The following NXPE1 variants were observed in gnomAD, a reference collection of about 807,000 sequenced individuals.
The protein encoded by NXPE1 is NXPE family member 1.
NXPE1 carries 31 observed loss-of-function variants against 33.3 expected under a neutral mutation model. That is an observed-to-expected ratio of 0.93 (90% CI 0.70 to 1.26). NXPE1 has a LOEUF of 1.26. Among genes scored for constraint, NXPE1 ranks in the 50% most tolerant of loss-of-function variants. The probability of loss-of-function intolerance (pLI) is 0.00; values close to 1 mark genes in which losing one functional copy is unlikely to be tolerated. For synonymous variants in NXPE1, 229 were observed against 231.4 expected, an observed-to-expected ratio of 0.99 and a Z score of 0.09; for missense variants, 661 against 655.6, an observed-to-expected ratio of 1.01 and a Z score of -0.09.
chr11:114,530,388 C>T, exon 6 of NXPE1: 2 of 1,614,172 alleles, frequency 1.2e-6, no homozygotes. Flanking sequence ...AACAAATTTG[C>T]CTTTGAAAAT....
intron 5 of NXPE1, among the ~76,000 whole-genome samples, chr11:114,536,441 A>G (rs1947828107): frequency 6.6e-6 from 1 of 152,350 alleles, no homozygotes; most frequent in Middle Eastern, 3.4e-3. Context: ...TCAGAGCAGG[A>G]CTGAAGGAAA....
At chr11:114,554,901 T>C (rs1334951778) in intron 1 of NXPE1, among the ~76,000 whole-genome samples, 1 of 152,200 alleles carries the variant, frequency 6.6e-6, no homozygotes, top group Non-Finnish European at 1.5e-5. Flanking sequence ...AACCCTAGAA[T>C]AAGACCACTG....
At chr11:114,537,872 A>C (rs1486819440) in intron 5 of NXPE1, among the ~76,000 whole-genome samples, 1 of 152,002 alleles carries the variant, frequency 6.6e-6, no homozygotes, top group South Asian at 2.1e-4. Flanking sequence ...TAATTTATAG[A>C]TTCAATGCCA....
chr11:114,547,015 A>G (rs1037760443), intron 5 of NXPE1, among the ~76,000 whole-genome samples: 5 of 152,212 alleles, frequency 3.3e-5, no homozygotes, highest in Non-Finnish European at 5.9e-5. Flanking sequence ...TCTCTTGTAC[A>G]GAAGAATTCC....
At chr11:114,539,166 A>G (rs1038028648) in intron 5 of NXPE1, among the ~76,000 whole-genome samples, 37 of 152,286 alleles carry the variant, frequency 2.4e-4, no homozygotes, top group Non-Finnish European at 3.7e-4. Flanking sequence ...CATCATTCTG[A>G]GCAAACTATC....
At chr11:114,535,035 G>T (rs186028622) in intron 5 of NXPE1, among the ~76,000 whole-genome samples, 1 of 151,074 alleles carries the variant, frequency 6.6e-6, no homozygotes, top group African/African-American at 2.4e-5. Context: ...CAGAGAGAAA[G>T]GTCGGGTTAC....
chr11:114,530,844 A>G (rs777819693), exon 6 of NXPE1: 32 of 1,613,942 alleles, frequency 2.0e-5, no homozygotes, highest in Non-Finnish European at 7.6e-6. Context: ...TGTTTTAGGG[A>G]ATAAGGACTT....
chr11:114,542,959 A>G (rs1948152264), intron 5 of NXPE1, among the ~76,000 whole-genome samples: 1 of 152,230 alleles, frequency 6.6e-6, no homozygotes, highest in South Asian at 2.1e-4. Flanking sequence ...CTCACCAATT[A>G]AAGTATATTT....
intron 5 of NXPE1, among the ~76,000 whole-genome samples, chr11:114,548,961 C>T (rs1179425618): frequency 6.6e-6 from 1 of 151,778 alleles, no homozygotes; most frequent in African/African-American, 2.4e-5. Context: ...AATTAGACAT[C>T]TTTGAGGGAA....
Position 114,522,507 on chromosome 11 carries a change from A to G in NXPE1, c.1109-4T>C. The G allele has an allele frequency of 6.4e-7, 1 of 1,571,218 alleles. No homozygotes were observed. The highest frequency in any genetic ancestry group is 8.6e-7 in the Non-Finnish European group (1 of 1,158,342). ...TGAAGATCAAAAAACTTCAGTGCTG[A>G]TAAAAAAACAAATAGATGTTTTAAA... On this transcript the variant is annotated splice_polypyrimidine_tract_variant and splice_region_variant and intron_variant, in intron 8 of 8. Transcript: ENST00000534921.
intron 5 of NXPE1, among the ~76,000 whole-genome samples, chr11:114,535,583 G>A (rs1947785552): frequency 1.3e-5 from 2 of 152,160 alleles, no homozygotes; most frequent in Admixed American, 1.3e-4. Flanking sequence ...AAGGGATGGA[G>A]GAAGATCTAC....
At chr11:114,554,048 T>C in intron 1 of NXPE1, 2 of 985,514 alleles carry the variant, frequency 2.0e-6, no homozygotes, top group Non-Finnish European at 2.4e-6. Context: ...CTTCTCCCCA[T>C]CTTTGTGAAT....
intron 5 of NXPE1, among the ~76,000 whole-genome samples, chr11:114,543,349 A>G (rs1298168951): frequency 6.6e-6 from 1 of 151,312 alleles, no homozygotes. Flanking sequence ...TGGGCAACAG[A>G]GCAAGACTCT....
At chr11:114,555,509 G>A (rs944422852) in intron 1 of NXPE1, among the ~76,000 whole-genome samples, 1 of 152,196 alleles carries the variant, frequency 6.6e-6, no homozygotes, top group African/African-American at 2.4e-5. Flanking sequence ...ACAGGCGTGA[G>A]CCACCACGCC....
chr11:114,527,906 A>C lies in NXPE1; in HGVS notation c.834-5T>G, dbSNP rs1591259928. 3 of 930,632 alleles carry C rather than the reference A, an allele frequency of 3.2e-6. No individual in the cohort carries two copies. Among genetic ancestry groups the C allele is most frequent in the Non-Finnish European group, 4.2e-6 (3 of 721,644 alleles). 57.6% of individuals were successfully genotyped at this position (930,632 alleles called of 1,614,324 possible). On this transcript the variant is annotated splice_polypyrimidine_tract_variant and splice_region_variant and intron_variant, in intron 6 of 8. Transcript: ENST00000534921. ...ATTTCAACTCCCACTTTGGACCTTCAAAAAAAAAATAGAACAATAAATTAG... is the reference window on the plus strand; with the variant it reads ...ATTTCAACTCCCACTTTGGACCTTCCAAAAAAAAATAGAACAATAAATTAG...
chr11:114,553,697 A>G (rs537756851), intron 1 of NXPE1: 8 of 984,308 alleles, frequency 8.1e-6, no homozygotes, highest in African/African-American at 3.5e-5. Context: ...CCTAGATTCT[A>G]CTCCTTAGCT....
At chr11:114,522,220 C>T in exon 9 of NXPE1, 1 of 1,614,014 alleles carries the variant, frequency 6.2e-7, no homozygotes. Flanking sequence ...TTCTTAGGAA[C>T]AGTCTTTCAA....
Position 114,540,885 on chromosome 11 carries a change from T to TTTTTTTTTG in NXPE1, c.100-9978_100-9977insCAAAAAAAA, listed in dbSNP as rs754802719. 2.7e-4 allele frequency among the ~76,000 whole-genome samples: 22 copies of TTTTTTTTTG among 81,290 alleles called. 7 individuals are homozygous for TTTTTTTTTG. The highest frequency in any genetic ancestry group is 7.9e-4 in the South Asian group (2 of 2,526). 53.3% of individuals were successfully genotyped at this position (81,290 alleles called of 152,430 possible). On this transcript the variant is annotated intron_variant, in intron 5 of 8. Transcript: ENST00000534921. ...TTTTTTTTTTTTTTTTTTTTTTTTT[T>TTTTTTTTTG]GGCTTGAACAACCTGAGAGCAGAGT...
At chr11:114,541,951 T>C (rs538527140) in intron 5 of NXPE1, among the ~76,000 whole-genome samples, 186 of 152,338 alleles carry the variant, frequency 1.2e-3, no homozygotes, top group Non-Finnish European at 2.3e-3. Context: ...TTATCTCCAT[T>C]TACTAAGTTA....
Sources: gnomAD v4.1 joint callset for allele counts (sites outside exome capture counted in the v4.1 genomes callset) on GRCh38, gnomAD v4.1.1 for gene constraint, MANE v1.5 for transcripts, NCBI Gene and HGNC (gene_info 2026-07-23, HGNC 2026-07-21) for gene names.